CSNK2A1: variants seen among roughly 807,000 people sequenced by gnomAD.
CSNK2A1 encodes the protein casein kinase 2 alpha 1.
CSNK2A1 carries 10 observed loss-of-function variants against 62.9 expected under a neutral mutation model. The observed-to-expected ratio is 0.16, with a 90% confidence interval of 0.10 to 0.27. The LOEUF is 0.27. CSNK2A1 is among the 10% of genes least tolerant of loss of function. The pLI is 1.00. For missense variants in CSNK2A1, 160 were observed against 492.0 expected (o/e 0.33, Z 6.38); for synonymous variants, 124 against 167.8 (o/e 0.74, Z 2.02).
At chr20:536,581 C>T (rs926608703) in intron 1 of CSNK2A1, among the ~76,000 whole-genome samples, 1 of 152,170 alleles carries the variant, frequency 6.6e-6, no homozygotes, top group Non-Finnish European at 1.5e-5. Context: ...CTTCCCCAAA[C>T]TCAAAGTGGG....
At chr20:535,450 AT>A (rs2019297858) in intron 1 of CSNK2A1, among the ~76,000 whole-genome samples, 2 of 152,170 alleles carry the variant, frequency 1.3e-5, no homozygotes, top group Non-Finnish European at 2.9e-5. Context: ...GCCATTCTAT[AT>A]AATCATAAAT....
chr20:516,893 T>G (rs1212169245), intron 2 of CSNK2A1, among the ~76,000 whole-genome samples: 1 of 152,162 alleles, frequency 6.6e-6, no homozygotes, highest in Non-Finnish European at 1.5e-5. Flanking sequence ...AAATGAACCA[T>G]AGCAAATGAA....
intron 12 of CSNK2A1, 187 bp downstream of exon 12, chr20:487,240 T>C (rs2018120066): frequency 2.7e-6 from 2 of 743,582 alleles, no homozygotes; most frequent in African/African-American, 1.8e-5. Flanking sequence ...GTGTCATGTA[T>C]TCTGTTACAG....
chr20:524,790 A>G (rs1003378294), intron 2 of CSNK2A1, among the ~76,000 whole-genome samples: 1 of 151,950 alleles, frequency 6.6e-6, no homozygotes, highest in African/African-American at 2.4e-5. Context: ...GCACTGAAAC[A>G]TCACAATATA....
chr20:531,657 G>A (rs1427046205), intron 1 of CSNK2A1, among the ~76,000 whole-genome samples: 3 of 152,168 alleles, frequency 2.0e-5, no homozygotes, highest in Non-Finnish European at 4.4e-5. Context: ...TAGACAAACA[G>A]AAACTCATCT....
intron 1 of CSNK2A1, among the ~76,000 whole-genome samples, chr20:530,364 C>T (rs1459525358): frequency 2.0e-5 from 3 of 152,052 alleles, no homozygotes; most frequent in East Asian, 1.9e-4. Flanking sequence ...ACATCACATT[C>T]TGGTTGTCCA....
At chr20:505,307 A>T in intron 3 of CSNK2A1, 78 bp from the exon 4 acceptor site, 2 of 933,560 alleles carry the variant, frequency 2.1e-6, no homozygotes, top group Non-Finnish European at 3.3e-6. Context: ...TATTACCAGC[A>T]GCTGTAATAG....
At chr20:506,127 T>C (rs205881) in intron 3 of CSNK2A1, 63,117 of 151,582 alleles carry the variant, frequency 0.42, 13,553 homozygotes, top group East Asian at 0.73. Flanking sequence ...CCGCCCGCCT[T>C]GGCCTCCCAA....
rs899144082 is a variant in CSNK2A1, at chr20:525,374, T to C, written c.-110+2559A>G. Reference sequence around the variant, plus strand: ...AAAAATAAAAATTTTAAAAATCGGCTGGGCGCAGTGGCTCACGCCTGTAAT... The same window carrying C: ...AAAAATAAAAATTTTAAAAATCGGCCGGGCGCAGTGGCTCACGCCTGTAAT... On this transcript the variant is annotated intron_variant, in intron 2 of 13. Transcript: ENST00000217244. 1.4e-4 allele frequency among the ~76,000 whole-genome samples: 21 copies of C among 151,812 alleles called. No homozygotes were observed. In the South Asian group the frequency reaches 2.1e-3, roughly 15 times the overall value.
Position 477,288 on chromosome 20 carries a change from G to C in CSNK2A1, c.*6673C>G, listed in dbSNP as rs747248866. 1.3e-5 allele frequency: 2 copies of C among 152,236 alleles called. No individual in the cohort carries two copies. The highest frequency in any genetic ancestry group is 2.4e-5 in the African/African-American group (1 of 41,432). The allele number at this position is 152,236 out of a possible 1,614,324, so 9.4% of individuals were successfully genotyped here. On this transcript the variant is annotated 3_prime_UTR_variant, in exon 14 of 14. Coordinates refer to ENST00000217244, the MANE Select transcript of CSNK2A1 (RefSeq NM_177559.3). ...CACCTCACTGCAGCCTTGACTTCTT[G>C]GGCTCAGGCAATTAATTCTCGTCCT...
intron 1 of CSNK2A1, among the ~76,000 whole-genome samples, chr20:531,046 T>G (rs1232010514): frequency 2.0e-5 from 3 of 152,096 alleles, no homozygotes. Context: ...ATCGCGCCAT[T>G]GCACTCCAGC....
intron 1 of CSNK2A1, among the ~76,000 whole-genome samples, chr20:535,493 C>T (rs538145136): frequency 2.0e-4 from 31 of 151,964 alleles, no homozygotes; most frequent in African/African-American, 5.1e-4. Flanking sequence ...CGGTGGCTCA[C>T]GCCTGTAACC....
chr20:541,429 CCTTT>C (rs1209129743), intron 1 of CSNK2A1, among the ~76,000 whole-genome samples: 1 of 152,094 alleles, frequency 6.6e-6, no homozygotes. Context: ...GAAAATCATC[CCTTT>C]CTTTAACAGA....
chr20:524,676 G>GCA (rs1465317842), intron 2 of CSNK2A1, among the ~76,000 whole-genome samples: 1 of 140,708 alleles, frequency 7.1e-6, no homozygotes, highest in Admixed American at 7.5e-5. Flanking sequence ...GTTGCAGTGG[G>GCA]CACTCCAGCA....
At position 480,710 on chromosome 20, in the gene CSNK2A1, A is replaced by C. The variant is rs1475144764; in HGVS notation, c.*3251T>G. 6.6e-6 allele frequency: 1 copy of C among 152,234 alleles called. No individual in the cohort carries two copies. The highest frequency in any genetic ancestry group is 1.5e-5 in the Non-Finnish European group (1 of 68,046). The allele number at this position is 152,234 out of a possible 1,614,324, so 9.4% of individuals were successfully genotyped here. On this transcript the variant is annotated 3_prime_UTR_variant, in exon 14 of 14. Coordinates refer to ENST00000217244, the MANE Select transcript of CSNK2A1 (RefSeq NM_177559.3). The stretch of plus-strand genomic sequence containing the variant: ...GCCCTGGGAAGACAGGCTCTCTACT[A>C]TGCAAACCCAATTCCAGTCTTGGGA...
intron 2 of CSNK2A1, among the ~76,000 whole-genome samples, chr20:519,543 G>C (rs1456415103): frequency 6.6e-6 from 1 of 152,140 alleles, no homozygotes; most frequent in East Asian, 1.9e-4. Context: ...GCAAGACCTT[G>C]TCTCAAACAA....
At chr20:495,464 C>T (rs1441352107) in intron 8 of CSNK2A1, 6 of 401,764 alleles carry the variant, frequency 1.5e-5, no homozygotes, top group South Asian at 5.8e-5. Context: ...ATAAATAAGG[C>T]GAGAAGCCAC....
intron 2 of CSNK2A1, among the ~76,000 whole-genome samples, chr20:511,701 TATAC>T (rs1336618535): frequency 3.9e-5 from 4 of 103,544 alleles, no homozygotes; most frequent in East Asian, 4.4e-4. Flanking sequence ...TGTGTATATA[TATAC>T]ACACACACAC....
intron 13 of CSNK2A1, among the ~76,000 whole-genome samples, chr20:485,425 C>T (rs893062367): frequency 6.6e-6 from 1 of 152,036 alleles, no homozygotes; most frequent in African/African-American, 2.4e-5. Context: ...TCAAGTGACC[C>T]ACCCGCCTCA....
Sources: allele counts gnomAD v4.1 joint callset (sites outside exome capture counted in the v4.1 genomes callset), GRCh38; gene constraint gnomAD v4.1.1; transcripts MANE v1.5; gene names NCBI Gene and HGNC (gene_info 2026-07-23, HGNC 2026-07-21).